SIRT2: variants seen among roughly 807,000 people sequenced by gnomAD.
SIRT2 encodes sirtuin 2.
SIRT2 carries 40 observed loss-of-function variants against 57.4 expected under a neutral mutation model. The observed-to-expected ratio is 0.70, with a 90% CI of 0.54 to 0.91. The LOEUF (loss-of-function observed/expected upper bound fraction) is 0.91, where lower values mean the gene tolerates loss of function less well. Ranked by LOEUF, SIRT2 falls within the 40% of genes least tolerant of loss-of-function variation. The pLI is 0.00. For missense variants in SIRT2, 439 were observed against 510.4 expected (o/e 0.86, Z 1.35); for synonymous variants, 161 against 195.7 (o/e 0.82, Z 1.48).
chr19:38,881,412 G>A lies in SIRT2; in HGVS notation c.691+20C>T, dbSNP rs1973150297. The A allele has an allele frequency of 5.6e-6, 9 of 1,613,434 alleles. No individual in the cohort carries two copies. Among genetic ancestry groups the A allele is most frequent in the Non-Finnish European group, 6.8e-6 (8 of 1,179,428 alleles). ...CCCCCACCCAAATCCACCTGGGCAG[G>A]TCCCTGGCCAGAGGCTCACCAGGCT... On this transcript the variant is annotated intron_variant, in intron 10 of 15. Transcript: ENST00000249396.
Position 38,890,115 on chromosome 19 carries a change from C to T in SIRT2, c.256G>A (p.Gly86Arg). Residue 86 changes from glycine to arginine, a missense_variant, in exon 5 of 16, where the codon GGA becomes AGA. By Grantham distance (125) the Gly-to-Arg change is moderately radical. Transcript: ENST00000249396. The part of the protein sequence containing the change: ...CRRVICLVGA[G>R]ISTSAGIPDF... Reference sequence around the variant, plus strand: ...AAGGGTTACTTACATGTGGAGATTCCAGCTCCCACCAAACAGATGACTCTG... The same window carrying T: ...AAGGGTTACTTACATGTGGAGATTCTAGCTCCCACCAAACAGATGACTCTG... The T allele has an allele frequency of 3.1e-6, 5 of 1,614,180 alleles. No individual in the cohort carries two copies. Among genetic ancestry groups the T allele is most frequent in the Non-Finnish European group, 4.2e-6 (5 of 1,180,022 alleles).
At chr19:38,890,417 G>A (rs1411154321) in intron 4 of SIRT2, 3 of 491,650 alleles carry the variant, frequency 6.1e-6, no homozygotes, top group Non-Finnish European at 1.1e-5. Context: ...TGGGCTGGGT[G>A]CAGTGGCTCA....
chr19:38,883,643 C>T lies in SIRT2; in HGVS notation c.615G>A (p.Pro205=), dbSNP rs907440483. Residue 205 remains proline (P), a synonymous_variant, in exon 9 of 16, where the codon CCG becomes CCA. Transcript: ENST00000249396. ...CAGCCTCACCTTTCATCCAGCTTAG[C>T]GGGTATTCGTGCCGGCAGCTGGCGC... ...CVSASCRHEY[P]LSWMKEKIFS... The T allele has an allele frequency of 7.4e-6, 12 of 1,613,962 alleles. No homozygotes were observed. The highest frequency in any genetic ancestry group is 1.1e-5 in the South Asian group (1 of 91,078).
chr19:38,896,188 C>T (rs1180934096), intron 2 of SIRT2, among the ~76,000 whole-genome samples: 1 of 152,178 alleles, frequency 6.6e-6, no homozygotes, highest in African/African-American at 2.4e-5. Context: ...ACTTCAACAA[C>T]ATATAACTTG....
intron 14 of SIRT2, 63 bp downstream of exon 14, chr19:38,879,569 G>T (rs1331861269): frequency 1.9e-6 from 3 of 1,554,546 alleles, no homozygotes; most frequent in Non-Finnish European, 2.6e-6. Flanking sequence ...ATCTGCCTTC[G>T]TGCCCCCGCT....
At position 38,880,574 on chromosome 19, in the gene SIRT2, G is replaced by A. The variant is rs1973115057; in HGVS notation, c.876+111C>T. ...TCTGGATTCTAGAGCCCCAGGTTCT[G>A]AGCTGAGGAATGCAAAGTGCTGGGG... On this transcript the variant is annotated intron_variant, in intron 13 of 15. Coordinates refer to ENST00000249396, the MANE Select transcript of SIRT2 (RefSeq NM_012237.4). The surrounding 1 kb of genome is among the most constrained non-coding windows in gnomAD (Gnocchi z 4.1). The A allele has an allele frequency of 7.2e-5, 53 of 737,202 alleles. No homozygotes were observed. The East Asian group carries it at 1.2e-3, about 17-fold the overall frequency. 45.7% of individuals were successfully genotyped at this position (737,202 alleles called of 1,614,324 possible). A position where few individuals can be genotyped will look rare whatever the true frequency, so the allele number is the denominator to read the frequency against.
In SIRT2 at chr19:38,889,682, A is replaced by T. The variant is rs774413721; in HGVS notation, c.432+7T>A. ...CTGTTTCGCCCCCTGCAAAACAAAG[A>T]TCTCACCTTGAACTGCCCAGGATAG... On this transcript the variant is annotated splice_region_variant and intron_variant, in intron 7 of 15. Transcript: ENST00000249396. 2 of 1,613,906 alleles carry T rather than the reference A, an allele frequency of 1.2e-6. No individual in the cohort carries two copies. Among genetic ancestry groups the T allele is most frequent in the South Asian group, 2.2e-5 (2 of 91,062 alleles).
In SIRT2 at chr19:38,891,421, C is replaced by T. The variant is rs1439937025; in HGVS notation, c.227-1277G>A. ...AAAATTAGCCGGGCGTGGTGGCACG[C>T]GCCTGTAATCCCAGCTACTCGGGAG... On this transcript the variant is annotated intron_variant, in intron 4 of 15. Transcript: ENST00000249396. Among the ~76,000 whole-genome samples, 8 of 152,040 alleles carry T rather than the reference C, an allele frequency of 5.3e-5. No homozygotes were observed. The South Asian group carries it at 1.0e-3, about 20-fold the overall frequency.
rs977097307 is a variant in SIRT2 at position 38,879,218 on chromosome 19, G to A, written c.1107C>T (p.Pro369=). The change falls in exon 16 of 16, where the codon CCC becomes CCT. Residue 369 remains proline, a synonymous_variant. Transcript: ENST00000249396. ...CCTTGGCAGGTGGCGGGGACTTCTT[G>A]GGGGAAGCTGAAGTGCTGGGGTTGG... ...GVPNPSTSAS[P]KKSPPPAKDE... is the part of the protein sequence containing the mutation. 2 of 1,593,820 alleles carry A rather than the reference G, an allele frequency of 1.3e-6. No homozygotes were observed. Among genetic ancestry groups the A allele is most frequent in the African/African-American group, 1.4e-5 (1 of 73,260 alleles).
chr19:38,890,326 G>T (rs547668025), intron 4 of SIRT2, among the ~76,000 whole-genome samples, 182 bp from the exon 5 acceptor site: 1 of 152,134 alleles, frequency 6.6e-6, no homozygotes, highest in Non-Finnish European at 1.5e-5. Flanking sequence ...TTTTATAAAT[G>T]AGAAAACTGG....
intron 8 of SIRT2, among the ~76,000 whole-genome samples, chr19:38,886,005 CTGT>C (rs1973325971): frequency 6.6e-6 from 1 of 152,194 alleles, no homozygotes; most frequent in South Asian, 2.1e-4. Context: ...TTTGGAGCAG[CTGT>C]TGTTTGCCTG....
At chr19:38,893,595 C>G in intron 3 of SIRT2, 68 bp from the exon 4 acceptor site, 1 of 1,289,718 alleles carries the variant, frequency 7.8e-7, no homozygotes, top group Non-Finnish European at 1.1e-6. Flanking sequence ...TCTCCGGCAC[C>G]CTGGCCCCAG....
At chr19:38,896,256 A>G (rs1973713133) in intron 2 of SIRT2, among the ~76,000 whole-genome samples, 1 of 152,232 alleles carries the variant, frequency 6.6e-6, no homozygotes, top group Non-Finnish European at 1.5e-5. Flanking sequence ...ACTGTTAGCT[A>G]AGCTTAATGG....
chr19:38,886,749 G>A (rs929468521), intron 8 of SIRT2, among the ~76,000 whole-genome samples: 1 of 151,570 alleles, frequency 6.6e-6, no homozygotes, highest in Non-Finnish European at 1.5e-5. Context: ...AGCATCCTGA[G>A]TAGCTGGGAT....
chr19:38,881,386 AC>A (rs770132221), intron 10 of SIRT2, 45 bp downstream of exon 10: 2 of 1,571,918 alleles, frequency 1.3e-6, no homozygotes, highest in East Asian at 2.2e-5. Flanking sequence ...GGAGGAGGGG[AC>A]CCCCACCCAA....
At chr19:38,897,882 C>T (rs896314248) in intron 2 of SIRT2, among the ~76,000 whole-genome samples, 2 of 152,116 alleles carry the variant, frequency 1.3e-5, no homozygotes, top group East Asian at 1.9e-4. Context: ...TCTTTCACCC[C>T]GGCTGGAGTG....
intron 4 of SIRT2, among the ~76,000 whole-genome samples, chr19:38,890,951 C>T (rs1973515632): frequency 6.6e-6 from 1 of 152,356 alleles, no homozygotes; most frequent in Middle Eastern, 3.4e-3. Context: ...GAGCACAAAG[C>T]CTGCCACAGC....
intron 8 of SIRT2, among the ~76,000 whole-genome samples, chr19:38,888,431 C>T (rs1973411335): frequency 6.6e-6 from 1 of 152,158 alleles, no homozygotes; most frequent in Admixed American, 6.5e-5. Context: ...TTTGGCCTCC[C>T]AAAGTGCTGG....
chr19:38,882,018 G>A (rs749401687), intron 9 of SIRT2, among the ~76,000 whole-genome samples: 32 of 151,780 alleles, frequency 2.1e-4, no homozygotes, highest in Admixed American at 5.9e-4. Flanking sequence ...TTTGAGACAG[G>A]TTCTCACTCT....
Sources: gnomAD v4.1 joint callset for allele counts (sites outside exome capture counted in the v4.1 genomes callset) on GRCh38, gnomAD v4.1.1 for gene constraint, Gnocchi (gnomAD v3.1) non-coding constraint, MANE v1.5 for transcripts, NCBI Gene and HGNC (gene_info 2026-07-23, HGNC 2026-07-21) for gene names.